Variants in GINS4 observed in about 807,000 individuals in gnomAD.
The protein encoded by GINS4 is GINS complex subunit 4.
In GINS4, 20 loss-of-function variants were observed where a neutral mutation model predicts 31.1. The ratio of observed to expected loss-of-function variants is 0.64; its 90% CI spans 0.45 to 0.93. GINS4 has a LOEUF of 0.93. GINS4 is among the 40% of genes least tolerant of loss of function. The probability of loss-of-function intolerance (pLI) is 0.00; values close to 1 mark genes in which losing one functional copy is unlikely to be tolerated. For missense variants in GINS4, 245 were observed against 273.9 expected (o/e 0.89, Z 0.75); for synonymous variants, 85 against 97.9 (o/e 0.87, Z 0.78).
intron 2 of GINS4, among the ~76,000 whole-genome samples, chr8:41,531,235 C>A (rs2150456905): frequency 6.6e-6 from 1 of 152,314 alleles, no homozygotes; most frequent in Non-Finnish European, 1.5e-5. Flanking sequence ...TCCTACCCAC[C>A]ATTGCACTCC....
At position 41,542,207 on chromosome 8, in the gene GINS4, C is replaced by G; in HGVS notation, c.*120C>G. 3 of 717,370 alleles carry G rather than the reference C, an allele frequency of 4.2e-6. No individual in the cohort carries two copies. The South Asian group carries it at 4.4e-5, about 10-fold the overall frequency. 44.4% of individuals were successfully genotyped at this position (717,370 alleles called of 1,614,324 possible). On this transcript the variant is annotated 3_prime_UTR_variant, in exon 8 of 8. Coordinates refer to ENST00000276533, the MANE Select transcript of GINS4 (RefSeq NM_032336.3). The stretch of plus-strand genomic sequence containing the variant: ...GACCAACCGACCAACATGGTGAAAC[C>G]CCATCTTTACTAAAAATACAAAATA...
In GINS4 at chr8:41,543,121, C is replaced by T. The variant is rs1235997193; in HGVS notation, c.*1034C>T. ...ACAGCTGTGGCCTTCTCCCGTCATA[C>T]ATCATTAGACTGTGTAAACTAACAT... is the stretch of plus-strand genomic sequence containing the variant. On this transcript the variant is annotated 3_prime_UTR_variant, in exon 8 of 8. Coordinates refer to ENST00000276533, the MANE Select transcript of GINS4 (RefSeq NM_032336.3). The T allele has an allele frequency of 1.7e-4, 26 of 152,242 alleles. No individual in the cohort carries two copies. Among genetic ancestry groups the T allele is most frequent in the Admixed American group, 1.6e-3 (24 of 15,284 alleles). 9.4% of individuals were successfully genotyped at this position (152,242 alleles called of 1,614,324 possible).
intron 2 of GINS4, among the ~76,000 whole-genome samples, chr8:41,535,814 T>C (rs10106876): frequency 0.014 from 2,092 of 152,322 alleles, 46 homozygotes; most frequent in African/African-American, 0.045. Flanking sequence ...CTGTTTCTAT[T>C]ATGATCCTGT....
Position 41,542,384 on chromosome 8 carries a change from A to AT in GINS4, c.*297_*298insT. ...GGGTGACAGTGAGACTTTGTCTCAA[A>AT]AAAAAAAACAAAAAACAAAAAAAAA... On this transcript the variant is annotated 3_prime_UTR_variant, in exon 8 of 8. Transcript: ENST00000276533. 2.6e-6 allele frequency: 1 copy of AT among 384,520 alleles called. No individual in the cohort carries two copies. Among genetic ancestry groups the AT allele is most frequent in the Non-Finnish European group, 4.8e-6 (1 of 209,124 alleles). 23.8% of individuals were successfully genotyped at this position (384,520 alleles called of 1,614,324 possible). A position where few individuals can be genotyped will look rare whatever the true frequency, so the allele number is the denominator to read the frequency against.
At chr8:41,531,932 C>T (rs1180488803) in intron 2 of GINS4, among the ~76,000 whole-genome samples, 3 of 152,220 alleles carry the variant, frequency 2.0e-5, no homozygotes, top group Admixed American at 1.3e-4. Flanking sequence ...GCTGGGCCTA[C>T]AGGTGTGCAC....
At position 41,542,240 on chromosome 8, in the gene GINS4, G is replaced by A. The variant is rs1563256459; in HGVS notation, c.*153G>A. ...TACTAAAAATACAAAATAATTAGCC[G>A]GGTGTTGGTGGTGTGCACCTGTAAT... On this transcript the variant is annotated 3_prime_UTR_variant, in exon 8 of 8. Coordinates refer to ENST00000276533, the MANE Select transcript of GINS4 (RefSeq NM_032336.3). 9 of 636,816 alleles carry A rather than the reference G, an allele frequency of 1.4e-5. No homozygotes were observed. Among genetic ancestry groups the A allele is most frequent in the South Asian group, 3.5e-5 (2 of 57,546 alleles). 39.4% of individuals were successfully genotyped at this position (636,816 alleles called of 1,614,324 possible). A position where few individuals can be genotyped will look rare whatever the true frequency, so the allele number is the denominator to read the frequency against.
At chr8:41,529,711 G>T (rs957108453) in intron 1 of GINS4, 1 of 153,070 alleles carries the variant, frequency 6.5e-6, no homozygotes, top group African/African-American at 2.4e-5. Context: ...CAAAGTGCTG[G>T]GATTACAGGC....
rs757612756 is a variant in GINS4 at position 41,542,110 on chromosome 8, A to C, written c.*23A>C. Reference sequence around the variant, plus strand: ...TAAAACTAGGCATAAACAGCCAGGCATGGTGACTCAAGCCTGTAATCCCAG... The same window carrying C: ...TAAAACTAGGCATAAACAGCCAGGCCTGGTGACTCAAGCCTGTAATCCCAG... On this transcript the variant is annotated 3_prime_UTR_variant, in exon 8 of 8. Coordinates refer to ENST00000276533, the MANE Select transcript of GINS4 (RefSeq NM_032336.3). The C allele has an allele frequency of 4.5e-5, 70 of 1,566,554 alleles. 1 individual carries two copies. In the Middle Eastern group the frequency reaches 6.7e-4, roughly 15 times the overall value.
In GINS4 at chr8:41,542,776, A is replaced by G. The variant is rs1009505486; in HGVS notation, c.*689A>G. The G allele has an allele frequency of 2.0e-5, 3 of 152,788 alleles. No homozygotes were observed. Among genetic ancestry groups the G allele is most frequent in the African/African-American group, 7.2e-5 (3 of 41,482 alleles). The allele number at this position is 152,788 out of a possible 1,614,324, so 9.5% of individuals were successfully genotyped here. On this transcript the variant is annotated 3_prime_UTR_variant, in exon 8 of 8. Coordinates refer to ENST00000276533, the MANE Select transcript of GINS4 (RefSeq NM_032336.3). ...GTTTACTAGGCATCAGACATTCCTC[A>G]GCAGTGCTGTGGGTCACGGGCGTGA... is the stretch of plus-strand genomic sequence containing the variant.
At position 41,539,727 on chromosome 8, in the gene GINS4, A is replaced by T. The variant is rs1031148596; in HGVS notation, c.347A>T (p.Glu116Val). ...HVLEKEKTRP[E>V]GEPSSLSPEE... ...CTTGAGAAGGAAAAAACACGTCCTG[A>T]GGGGGAGCCTTCCAGCCTCTCGCCG... Residue 116 changes from glutamate (E) to valine (V), a missense_variant, in exon 5 of 8, where the codon GAG (glutamate) becomes GTG (valine). Physicochemically the swap from Glu to Val is moderately radical, Grantham distance 121. Transcript: ENST00000276533. 1 of 1,614,160 alleles carries T rather than the reference A, an allele frequency of 6.2e-7. No individual in the cohort carries two copies. The highest frequency in any genetic ancestry group is 8.5e-7 in the Non-Finnish European group (1 of 1,180,008).
intron 4 of GINS4, among the ~76,000 whole-genome samples, chr8:41,538,685 C>CGTT (rs1806781707): frequency 7.4e-6 from 1 of 135,556 alleles, no homozygotes; most frequent in Non-Finnish European, 1.6e-5. Flanking sequence ...TCATCAACCC[C>CGTT]CTTTTTTTAT....
chr8:41,530,219 A>G lies in GINS4; in HGVS notation c.17A>G (p.Asp6Gly), dbSNP rs1806629480. The G allele has an allele frequency of 6.2e-7, 1 of 1,613,602 alleles. No homozygotes were observed. The highest frequency in any genetic ancestry group is 8.5e-7 in the Non-Finnish European group (1 of 1,179,692). The change falls in exon 2 of 8, where the codon GAT (aspartate) becomes GGT (glycine). Residue 6 changes from aspartate to glycine, a missense_variant. By Grantham distance (94) the Asp-to-Gly change is moderately conservative (BLOSUM62 -1). Transcript: ENST00000276533. ...TCAGAGAAGATGACCGAAGAAGTGG[A>G]TTTCCTGGGACAGGACTCTGATGGG... Reference protein sequence around the residue: MTEEVDFLGQDSDGGS... With the variant: MTEEVGFLGQDSDGGS...
At position 41,542,369 on chromosome 8, in the gene GINS4, G is replaced by T; in HGVS notation, c.*282G>T. On this transcript the variant is annotated 3_prime_UTR_variant, in exon 8 of 8. Transcript: ENST00000276533. ...ATTGCACTCCAGCCTGGGTGACAGT[G>T]AGACTTTGTCTCAAAAAAAAAAACA... The T allele has an allele frequency of 2.6e-5, 9 of 348,640 alleles. No homozygotes were observed. The highest frequency in any genetic ancestry group is 3.7e-5 in the Non-Finnish European group (7 of 188,824). The allele number at this position is 348,640 out of a possible 1,614,324, so 21.6% of individuals were successfully genotyped here.
At chr8:41,536,320 T>C (rs1362597977) in intron 2 of GINS4, 40 bp from the exon 3 acceptor site, 6 of 1,232,254 alleles carry the variant, frequency 4.9e-6, no homozygotes, top group Non-Finnish European at 6.0e-6. Flanking sequence ...TTTAGCTCTG[T>C]GGTGGGTGAT....
chr8:41,542,179 C>T lies in GINS4; in HGVS notation c.*92C>T, dbSNP rs912670265. 24 of 854,196 alleles carry T rather than the reference C, an allele frequency of 2.8e-5. No homozygotes were observed. The highest frequency in any genetic ancestry group is 2.8e-4 in the Middle Eastern group (1 of 3,562). The allele number at this position is 854,196 out of a possible 1,614,324, so 52.9% of individuals were successfully genotyped here. On this transcript the variant is annotated 3_prime_UTR_variant, in exon 8 of 8. Transcript: ENST00000276533. ...CGGGCGGATCATGAGGTCAGGAGTT[C>T]GAGACCAACCGACCAACATGGTGAA...
rs144703322 is a variant in GINS4 at position 41,536,228 on chromosome 8, A to G, written c.97-132A>G. On this transcript the variant is annotated intron_variant, in intron 2 of 7. Coordinates refer to ENST00000276533, the MANE Select transcript of GINS4 (RefSeq NM_032336.3). ...GTAGTTTGTCTTCAAAACACCTTCA[A>G]TGTTTCCAGTTGGTGGGCAGACAGT... 662 of 720,836 alleles carry G rather than the reference A, an allele frequency of 9.2e-4. 2 individuals carry two copies. In the African/African-American group the frequency reaches 0.01, roughly 11 times the overall value. 44.7% of individuals were successfully genotyped at this position (720,836 alleles called of 1,614,324 possible). A position where few individuals can be genotyped will look rare whatever the true frequency, so the allele number is the denominator to read the frequency against.
chr8:41,531,394 C>T (rs1806645966), intron 2 of GINS4, among the ~76,000 whole-genome samples: 1 of 152,222 alleles, frequency 6.6e-6, no homozygotes, highest in Non-Finnish European at 1.5e-5. Flanking sequence ...TAAGCACTCA[C>T]TAGATGTGAG....
intron 2 of GINS4, chr8:41,534,511 C>A: frequency 5.5e-6 from 1 of 181,096 alleles, no homozygotes; most frequent in Non-Finnish European, 1.2e-5. Flanking sequence ...TAAACTTCCA[C>A]CTAATGTTTT....
chr8:41,536,127 A>G (rs556759364), intron 2 of GINS4, among the ~76,000 whole-genome samples: 15 of 152,328 alleles, frequency 9.8e-5, no homozygotes, highest in African/African-American at 3.4e-4. Flanking sequence ...AAGGGTTTGT[A>G]TGAGTGTCAG....
Sources: allele counts gnomAD v4.1 joint callset (sites outside exome capture counted in the v4.1 genomes callset), GRCh38; gene constraint gnomAD v4.1.1; transcripts MANE v1.5; gene names NCBI Gene and HGNC (gene_info 2026-07-23, HGNC 2026-07-21).